The following RAB6B variants were observed in gnomAD, a reference collection of about 807,000 sequenced individuals.
The protein encoded by RAB6B is ras-related protein Rab-6B.
A neutral mutation model predicts 31.2 loss-of-function variants in RAB6B; 7 were observed. The ratio of observed to expected loss-of-function variants is 0.22; its 90% CI spans 0.13 to 0.42. The LOEUF is 0.42. RAB6B is among the 10% of genes least tolerant of loss of function. The pLI is 1.00. For synonymous variants in RAB6B, 105 were observed against 104.9 expected (o/e 1.00, Z -0.01); for missense variants, 149 against 280.6 (o/e 0.53, Z 3.35).
In RAB6B at chr3:133,894,174, C is replaced by G. The variant is rs544563359; in HGVS notation, c.70+1223G>C. Among the ~76,000 whole-genome samples the G allele has an allele frequency of 4.6e-4, 70 of 152,352 alleles. 2 individuals carry two copies. Among genetic ancestry groups the G allele is most frequent in the South Asian group, 3.7e-3 (18 of 4,828 alleles). On this transcript the variant is annotated intron_variant, in intron 1 of 7. Coordinates refer to ENST00000285208, the MANE Select transcript of RAB6B (RefSeq NM_016577.4). ...TTTGGGCCCCCTTGTCAGAGAGGCACCAACCCAGGTGAACAGGACTGGTCT... is the reference window on the plus strand; with the variant it reads ...TTTGGGCCCCCTTGTCAGAGAGGCAGCAACCCAGGTGAACAGGACTGGTCT...
intron 7 of RAB6B, among the ~76,000 whole-genome samples, chr3:133,830,243 G>A (rs1286062940): frequency 3.3e-5 from 5 of 152,328 alleles, no homozygotes; most frequent in African/African-American, 9.6e-5. Flanking sequence ...GGTCTTCTCT[G>A]AGTGCCCCTC....
intron 1 of RAB6B, among the ~76,000 whole-genome samples, chr3:133,868,897 T>C (rs1167647734): frequency 6.6e-6 from 1 of 152,198 alleles, no homozygotes; most frequent in African/African-American, 2.4e-5. Flanking sequence ...TTAGTTATTA[T>C]TCCAAGGTCA....
At chr3:133,839,692 C>T in intron 4 of RAB6B, 75 bp from the exon 5 acceptor site, 2 of 1,118,610 alleles carry the variant, frequency 1.8e-6, no homozygotes, top group South Asian at 1.2e-5. Flanking sequence ...GAGGTGTGAG[C>T]CAGGAGCAGG....
In RAB6B at chr3:133,864,612, A is replaced by G. The variant is rs1376652326; in HGVS notation, c.101T>C (p.Met34Thr). The G allele has an allele frequency of 2.5e-6, 4 of 1,614,236 alleles. No homozygotes were observed. The highest frequency in any genetic ancestry group is 3.4e-6 in the Non-Finnish European group (4 of 1,180,040). ...GTATGTGTTGTCGAAGCTGTCGTACATGAACCTCGTAATCAGAGACGTCTT... is the reference window on the plus strand; with the variant it reads ...GTATGTGTTGTCGAAGCTGTCGTACGTGAACCTCGTAATCAGAGACGTCTT... ...VGKTSLITRFMYDSFDNTYQA... is the reference protein window; with the variant it reads ...VGKTSLITRFTYDSFDNTYQA... Residue 34 changes from methionine to threonine, a missense_variant, in exon 2 of 8, where the codon ATG becomes ACG. Met to Thr is a moderately conservative substitution (Grantham distance 81). This residue lies in a region of RAB6B where 75 missense variants were observed against 180.1 expected (regional missense o/e 0.42). Coordinates refer to ENST00000285208, the MANE Select transcript of RAB6B (RefSeq NM_016577.4).
chr3:133,841,191 TGTGCACACACATGC>T, intron 4 of RAB6B, 80 bp downstream of exon 4: 1 of 989,528 alleles, frequency 1.0e-6, no homozygotes, highest in Non-Finnish European at 1.5e-6. Flanking sequence ...CACACATGCG[TGTGCACACACATGC>T]ACACAGGCCT....
At chr3:133,854,314 T>A (rs1004811081) in intron 2 of RAB6B, among the ~76,000 whole-genome samples, 2 of 152,240 alleles carry the variant, frequency 1.3e-5, no homozygotes, top group African/African-American at 4.8e-5. Context: ...CTGAACTTCA[T>A]TTTCTCTTGT....
intron 6 of RAB6B, among the ~76,000 whole-genome samples, chr3:133,835,405 G>A (rs751012329): frequency 7.9e-5 from 12 of 151,924 alleles, no homozygotes; most frequent in Non-Finnish European, 1.6e-4. Context: ...GTTTGTGTAA[G>A]TGTGGGGGGA....
Position 133,825,007 on chromosome 3 carries a change from C to T in RAB6B, c.*3781G>A, listed in dbSNP as rs1935534803. The T allele has an allele frequency of 6.6e-6, 1 of 152,206 alleles. No individual in the cohort carries two copies. Among genetic ancestry groups the T allele is most frequent in the Admixed American group, 6.5e-5 (1 of 15,288 alleles). The allele number at this position is 152,206 out of a possible 1,614,324, so 9.4% of individuals were successfully genotyped here. On this transcript the variant is annotated 3_prime_UTR_variant, in exon 8 of 8. Coordinates refer to ENST00000285208, the MANE Select transcript of RAB6B (RefSeq NM_016577.4). ...GAAAAGTTGTGACAGCTCTGCTTCA[C>T]ATAGCTGTAACAAGGTGACAATGCC... is the stretch of plus-strand genomic sequence containing the variant.
intron 1 of RAB6B, among the ~76,000 whole-genome samples, chr3:133,870,528 C>G (rs1320305489): frequency 6.6e-6 from 1 of 152,118 alleles, no homozygotes; most frequent in Non-Finnish European, 1.5e-5. Context: ...GGGTACAGGA[C>G]CAGTGACTGG....
chr3:133,844,017 C>A (rs770728279), intron 2 of RAB6B, among the ~76,000 whole-genome samples: 1 of 152,174 alleles, frequency 6.6e-6, no homozygotes, highest in Non-Finnish European at 1.5e-5. Flanking sequence ...CATGGAGAAA[C>A]GTATCTCTCA....
intron 6 of RAB6B, among the ~76,000 whole-genome samples, chr3:133,835,307 G>A (rs1010561932): frequency 7.2e-5 from 11 of 152,138 alleles, no homozygotes; most frequent in East Asian, 1.9e-4. Context: ...TGAGTGGTGC[G>A]TGTGGGTAGG....
chr3:133,838,002 G>A (rs576324450), intron 6 of RAB6B, among the ~76,000 whole-genome samples, 164 bp downstream of exon 6: 19 of 152,294 alleles, frequency 1.2e-4, no homozygotes, highest in Admixed American at 2.6e-4. Flanking sequence ...TACCAGCTCC[G>A]GAAATTAGCT....
At chr3:133,887,446 G>A (rs1362476876) in intron 1 of RAB6B, among the ~76,000 whole-genome samples, 1 of 152,208 alleles carries the variant, frequency 6.6e-6, no homozygotes, top group African/African-American at 2.4e-5. Context: ...GGACAGTTCT[G>A]GGGGCAACAG....
At chr3:133,841,039 C>T (rs1333069406) in intron 4 of RAB6B, among the ~76,000 whole-genome samples, 1 of 152,190 alleles carries the variant, frequency 6.6e-6, no homozygotes, top group African/African-American at 2.4e-5. Flanking sequence ...CCACTCCGAG[C>T]AGGACCAACC....
intron 1 of RAB6B, among the ~76,000 whole-genome samples, chr3:133,892,233 T>C (rs767764017): frequency 2.6e-5 from 4 of 152,058 alleles, no homozygotes; most frequent in Non-Finnish European, 5.9e-5. Context: ...CAGAGAGCCA[T>C]CTGGCACCAG....
rs533882267 is a variant in RAB6B at position 133,837,348 on chromosome 3, G to A, written c.495+818C>T. Among the ~76,000 whole-genome samples, 5 of 152,230 alleles carry A rather than the reference G, an allele frequency of 3.3e-5. No individual in the cohort carries two copies. In the South Asian group the frequency reaches 8.3e-4, roughly 25 times the overall value. The stretch of plus-strand genomic sequence containing the variant: ...TTCCTTATGAAACACATTGAACAGC[G>A]AGAACTAGCAAGAGATCTAATAAGT... On this transcript the variant is annotated intron_variant, in intron 6 of 7. Coordinates refer to ENST00000285208, the MANE Select transcript of RAB6B (RefSeq NM_016577.4).
chr3:133,851,957 C>G (rs1373613911), intron 2 of RAB6B, among the ~76,000 whole-genome samples: 1 of 152,190 alleles, frequency 6.6e-6, no homozygotes, highest in Non-Finnish European at 1.5e-5. Flanking sequence ...ACCACTAGAA[C>G]TAATGAGAAA....
intron 2 of RAB6B, among the ~76,000 whole-genome samples, chr3:133,860,892 A>G (rs1166036637): frequency 6.6e-6 from 1 of 152,234 alleles, no homozygotes; most frequent in African/African-American, 2.4e-5. Flanking sequence ...GTGCATCACA[A>G]TCACTGCTGA....
chr3:133,863,778 C>T (rs1361985748), intron 2 of RAB6B, among the ~76,000 whole-genome samples: 9 of 152,158 alleles, frequency 5.9e-5, no homozygotes, highest in Admixed American at 5.9e-4. Flanking sequence ...AATGCATTAT[C>T]ATTTGTCTCT....
Sources: gnomAD v4.1 joint callset for allele counts (sites outside exome capture counted in the v4.1 genomes callset) on GRCh38, gnomAD v4.1.1 for gene constraint, gnomAD v4.1.1 regional missense constraint, MANE v1.5 for transcripts, NCBI Gene and HGNC (gene_info 2026-07-23, HGNC 2026-07-21) for gene names.